The following AAMDC variants were observed in gnomAD, a reference collection of about 807,000 sequenced individuals.
AAMDC encodes mth938 domain-containing protein.
Under a neutral mutation model 15.5 loss-of-function variants are expected in AAMDC, and 16 were observed. That is an observed-to-expected ratio of 1.03 (90% CI 0.70 to 1.57). The LOEUF (loss-of-function observed/expected upper bound fraction) is 1.57, where lower values mean the gene tolerates loss of function less well. AAMDC is among the 40% of genes most tolerant of loss of function. AAMDC has a pLI of 0.00. For synonymous variants in AAMDC, 51 were observed against 51.6 expected, an observed-to-expected ratio of 0.99 and a Z score of 0.05; for missense variants, 141 against 144.9, an observed-to-expected ratio of 0.97 and a Z score of 0.14.
intron 5 of AAMDC, chr11:77,883,796 C>T: frequency 6.2e-7 from 1 of 1,607,556 alleles, no homozygotes; most frequent in Non-Finnish European, 8.5e-7. Flanking sequence ...TCTCCAGCAG[C>T]ATATTTCCCT....
intron 1 of AAMDC, among the ~76,000 whole-genome samples, chr11:77,836,764 G>A (rs781747379): frequency 1.3e-5 from 2 of 152,162 alleles, no homozygotes; most frequent in Non-Finnish European, 2.9e-5. Context: ...CTGGGAGTTC[G>A]AGACCAGCCT....
downstream of AAMDC, chr11:77,901,696 G>T: frequency 3.2e-6 from 2 of 629,880 alleles, no homozygotes; most frequent in Non-Finnish European, 5.6e-6. Context: ...AAAGAAATTA[G>T]TATAGTATGC....
intron 2 of AAMDC, among the ~76,000 whole-genome samples, chr11:77,865,821 A>G (rs1017204741): frequency 6.6e-6 from 1 of 152,192 alleles, no homozygotes; most frequent in Non-Finnish European, 1.5e-5. Flanking sequence ...ATAATCTTAC[A>G]TATCTTCTTT....
chr11:77,854,454 C>G (rs1950529404), intron 2 of AAMDC, among the ~76,000 whole-genome samples: 1 of 152,216 alleles, frequency 6.6e-6, no homozygotes, highest in Admixed American at 6.5e-5. Flanking sequence ...TAAATACTTC[C>G]ATTCCAAAAG....
chr11:77,894,155 G>T, intron 5 of AAMDC: 1 of 526,602 alleles, frequency 1.9e-6, no homozygotes. Flanking sequence ...TAAGGTTAAC[G>T]ACATGGCCAC....
rs572494754 is a variant in AAMDC, at chr11:77,879,964, C to G, written c.328+2915C>G. 3.3e-5 allele frequency among the ~76,000 whole-genome samples: 5 copies of G among 152,270 alleles called. No homozygotes were observed. The South Asian group carries it at 1.0e-3, about 32-fold the overall frequency. On this transcript the variant is annotated intron_variant, in intron 5 of 5. Coordinates refer to the AAMDC transcript ENST00000304716. The stretch of plus-strand genomic sequence containing the variant: ...AAATCCCAAGAATCAGATAGGTTCT[C>G]AGAGACTCCCCAGATGCACACCTGG...
intron 2 of AAMDC, among the ~76,000 whole-genome samples, chr11:77,848,875 T>G (rs1279568106): frequency 2.0e-5 from 3 of 152,126 alleles, no homozygotes; most frequent in Non-Finnish European, 4.4e-5. Flanking sequence ...AACCTCAACC[T>G]CTTAGATTCA....
chr11:77,826,422 CTG>C (rs1363243498), intron 1 of AAMDC, among the ~76,000 whole-genome samples: 1 of 151,880 alleles, frequency 6.6e-6, no homozygotes, highest in African/African-American at 2.4e-5. Context: ...AGCTATGTGT[CTG>C]TGTTTTAAAT....
intron 2 of AAMDC, among the ~76,000 whole-genome samples, chr11:77,856,752 A>C (rs921123524): frequency 2.6e-5 from 4 of 152,326 alleles, no homozygotes; most frequent in Admixed American, 2.6e-4. Context: ...TCATGAGAAC[A>C]GCAAGGGGGA....
At chr11:77,903,427 C>T, downstream of AAMDC, 1 of 1,607,448 alleles carries the variant, frequency 6.2e-7, no homozygotes, top group Non-Finnish European at 8.5e-7. Context: ...CATGCCACAA[C>T]TTTTCCTGCA....
intron 1 of AAMDC, among the ~76,000 whole-genome samples, chr11:77,823,552 A>G (rs1298793499): frequency 6.9e-6 from 1 of 145,870 alleles, no homozygotes; most frequent in Admixed American, 7.1e-5. Flanking sequence ...CAAGGTAGTG[A>G]GACCTCATCT....
chr11:77,887,628 A>G (rs1278910237), intron 5 of AAMDC, among the ~76,000 whole-genome samples: 1 of 152,208 alleles, frequency 6.6e-6, no homozygotes, highest in East Asian at 1.9e-4. Flanking sequence ...GAGGAAGTCA[A>G]ATTGTCCCTG....
rs546395528 is a variant in AAMDC at position 77,896,104 on chromosome 11, T to C, written c.329-4467T>C. On this transcript the variant is annotated intron_variant, in intron 5 of 5. Transcript: ENST00000304716. ...AAGGCAAGAAAGCACAGAAAACTTT[T>C]TTAAAAATTCTAATCAACAACCTCG... Among the ~76,000 whole-genome samples the C allele has an allele frequency of 1.2e-4, 18 of 152,310 alleles. No individual in the cohort carries two copies. In the South Asian group the frequency reaches 3.7e-3, roughly 32 times the overall value.
intron 5 of AAMDC, among the ~76,000 whole-genome samples, chr11:77,894,737 T>C (rs1321706880): frequency 1.3e-5 from 2 of 152,262 alleles, no homozygotes; most frequent in African/African-American, 4.8e-5. Context: ...CTGATTTAGA[T>C]CTCATCTCCT....
intron 1 of AAMDC, among the ~76,000 whole-genome samples, chr11:77,827,103 CAAAAAAAA>C (rs10540717): frequency 6.9e-6 from 1 of 144,074 alleles, no homozygotes. Context: ...AAACTCGTCT[CAAAAAAAA>C]AAAAAATCGA....
chr11:77,887,882 C>G (rs956023490), intron 5 of AAMDC, among the ~76,000 whole-genome samples: 9 of 152,306 alleles, frequency 5.9e-5, no homozygotes, highest in Middle Eastern at 6.8e-3. Context: ...TGAAGGACCT[C>G]TTCAAGGAGA....
chr11:77,842,852 C>G (rs192449213), intron 2 of AAMDC, among the ~76,000 whole-genome samples: 1 of 152,198 alleles, frequency 6.6e-6, no homozygotes, highest in African/African-American at 2.4e-5. Context: ...ACTTGTACAA[C>G]AGTTACCACT....
At chr11:77,877,730 C>G (rs1951637148) in intron 5 of AAMDC, among the ~76,000 whole-genome samples, 1 of 151,752 alleles carries the variant, frequency 6.6e-6, no homozygotes, top group South Asian at 2.1e-4. Context: ...GGAGCACTGA[C>G]TGTTATATCA....
chr11:77,856,168 A>G (rs1950614430), intron 2 of AAMDC, among the ~76,000 whole-genome samples: 1 of 152,180 alleles, frequency 6.6e-6, no homozygotes, highest in African/African-American at 2.4e-5. Flanking sequence ...ATCACTCTCA[A>G]GTTCAAAGTT....
Sources: gnomAD v4.1 joint callset for allele counts (sites outside exome capture counted in the v4.1 genomes callset) on GRCh38, gnomAD v4.1.1 for gene constraint, MANE v1.5 for transcripts, NCBI Gene and HGNC (gene_info 2026-07-23, HGNC 2026-07-21) for gene names.